Variants in KDM4C observed in about 807,000 individuals in gnomAD.
KDM4C encodes lysine-specific demethylase 4C.
Under a neutral mutation model 129.3 loss-of-function variants are expected in KDM4C, and 81 were observed. The ratio of observed to expected loss-of-function variants is 0.63; its 90% CI spans 0.52 to 0.75. KDM4C has a LOEUF of 0.75. Ranked by LOEUF, KDM4C falls within the 30% of genes least tolerant of loss-of-function variation. The probability of loss-of-function intolerance (pLI) is 0.00; values close to 1 mark genes in which losing one functional copy is unlikely to be tolerated. For synonymous variants in KDM4C, 573 were observed against 456.1 expected, an observed-to-expected ratio of 1.26 and a Z score of -3.26; for missense variants, 1,457 against 1,304.0, an observed-to-expected ratio of 1.12 and a Z score of -1.81.
At chr9:7,009,722 C>G (rs984671647) in intron 12 of KDM4C, among the ~76,000 whole-genome samples, 3 of 152,200 alleles carry the variant, frequency 2.0e-5, no homozygotes, top group African/African-American at 7.2e-5. Context: ...TGCCATGCAA[C>G]AGGGTTGTGT....
chr9:6,847,540 G>A (rs907494784), intron 4 of KDM4C, among the ~76,000 whole-genome samples: 2 of 152,076 alleles, frequency 1.3e-5, no homozygotes, highest in Non-Finnish European at 2.9e-5. Context: ...ACAGACGCCC[G>A]CCACCAGGCC....
At chr9:7,135,437 T>G (rs1841096928) in intron 19 of KDM4C, among the ~76,000 whole-genome samples, 1 of 152,172 alleles carries the variant, frequency 6.6e-6, no homozygotes. Flanking sequence ...AGAATCAAAA[T>G]AACTACCTTG....
chr9:6,782,015 G>T (rs1824453543), intron 1 of KDM4C, among the ~76,000 whole-genome samples: 1 of 151,946 alleles, frequency 6.6e-6, no homozygotes, highest in African/African-American at 2.4e-5. Flanking sequence ...AGTAGAGACA[G>T]GGTTTCACCA....
At chr9:6,730,788 C>CT (rs1371781753) in intron 1 of KDM4C, among the ~76,000 whole-genome samples, 1 of 152,042 alleles carries the variant, frequency 6.6e-6, no homozygotes, top group Admixed American at 6.6e-5. Context: ...AGGTGAGGTC[C>CT]TTAAGTGGAT....
At chr9:6,894,821 A>T (rs1275877529) in intron 8 of KDM4C, among the ~76,000 whole-genome samples, 1 of 152,222 alleles carries the variant, frequency 6.6e-6, no homozygotes, top group Non-Finnish European at 1.5e-5. Flanking sequence ...GTGGTGGAGG[A>T]GGCTGGATCT....
At chr9:6,733,932 T>C (rs1194689392) in intron 1 of KDM4C, among the ~76,000 whole-genome samples, 1 of 152,172 alleles carries the variant, frequency 6.6e-6, no homozygotes. Context: ...CAACCAGAGG[T>C]CACGCTCACA....
At chr9:7,157,430 C>T (rs1225059185) in intron 19 of KDM4C, among the ~76,000 whole-genome samples, 1 of 152,102 alleles carries the variant, frequency 6.6e-6, no homozygotes, top group Non-Finnish European at 1.5e-5. Context: ...TTGTCTTGTG[C>T]CGCTTTTTAA....
At chr9:6,991,010 C>T (rs1001801144) in intron 12 of KDM4C, among the ~76,000 whole-genome samples, 1 of 152,122 alleles carries the variant, frequency 6.6e-6, no homozygotes. Context: ...CGCTGTGATG[C>T]AGCTGGATGT....
intron 8 of KDM4C, among the ~76,000 whole-genome samples, chr9:6,977,074 C>T (rs1426454996): frequency 6.6e-6 from 1 of 152,092 alleles, no homozygotes; most frequent in African/African-American, 2.4e-5. Flanking sequence ...TCTAGAACTC[C>T]TGGGATCAAG....
chr9:7,170,935 AAAGC>A, intron 21 of KDM4C: 1 of 211,152 alleles, frequency 4.7e-6, no homozygotes, highest in Non-Finnish European at 8.1e-6. Context: ...AAAAAAAAAA[AAAGC>A]AAAAAAAAAC....
intron 19 of KDM4C, among the ~76,000 whole-genome samples, chr9:7,133,734 G>T (rs541472357): frequency 3.0e-4 from 45 of 152,326 alleles, no homozygotes; most frequent in Middle Eastern, 3.4e-3. Flanking sequence ...ACCCGTTTCA[G>T]TGTTGAGCCC....
intron 12 of KDM4C, among the ~76,000 whole-genome samples, chr9:6,998,565 G>A (rs1218875442): frequency 1.3e-5 from 2 of 152,290 alleles, no homozygotes; most frequent in African/African-American, 4.8e-5. Flanking sequence ...GGAGGCCGAG[G>A]CAGGCGGATC....
rs774453235 is a variant in KDM4C, at chr9:6,792,998, G to A, written c.10G>A (p.Ala4Thr). 3.1e-6 allele frequency: 5 copies of A among 1,614,156 alleles called. No individual in the cohort carries two copies. Among genetic ancestry groups the A allele is most frequent in the Non-Finnish European group, 4.2e-6 (5 of 1,180,028 alleles). The change falls in exon 2 of 22, where the codon GCC becomes ACC. Residue 4 changes from alanine (A) to threonine (T), a missense_variant. Transcript: ENST00000381309. The stretch of plus-strand genomic sequence containing the variant: ...CACTGCCCTAACCATCATGGAGGTG[G>A]CCGAGGTGGAAAGTCCTCTGAACCC... MEV[A>T]EVESPLNPSC... is the part of the protein sequence containing the mutation.
upstream of KDM4C, among the ~76,000 whole-genome samples, chr9:6,755,778 T>C (rs1187836581): frequency 2.0e-5 from 3 of 152,210 alleles, no homozygotes; most frequent in Non-Finnish European, 4.4e-5. Context: ...GGAGGTATTT[T>C]GATACATTAG....
intron 1 of KDM4C, among the ~76,000 whole-genome samples, chr9:6,725,719 T>C: frequency 6.7e-6 from 1 of 148,614 alleles, no homozygotes; most frequent in Non-Finnish European, 1.5e-5. Context: ...TTCTTTTTTT[T>C]TTTTTTTTGA....
chr9:6,886,535 A>T (rs1254958411), intron 6 of KDM4C, among the ~76,000 whole-genome samples: 2 of 137,496 alleles, frequency 1.5e-5, no homozygotes, highest in African/African-American at 5.5e-5. Context: ...TCTGTCATCC[A>T]GGCTGGAGTA....
chr9:7,002,436 T>A (rs1329874906), intron 12 of KDM4C, among the ~76,000 whole-genome samples: 1 of 152,190 alleles, frequency 6.6e-6, no homozygotes, highest in Non-Finnish European at 1.5e-5. Context: ...ATACATAATA[T>A]TTTGTGGTGA....
intron 17 of KDM4C, among the ~76,000 whole-genome samples, chr9:7,057,837 G>C (rs2381542): frequency 6.6e-6 from 1 of 152,042 alleles, no homozygotes; most frequent in Non-Finnish European, 1.5e-5. Context: ...GCTGAAAACC[G>C]TAAGATGAAT....
At chr9:6,859,404 G>A (rs1840506953) in intron 5 of KDM4C, among the ~76,000 whole-genome samples, 1 of 148,422 alleles carries the variant, frequency 6.7e-6, no homozygotes, top group African/African-American at 2.5e-5. Context: ...GAACCAGGAA[G>A]GTGGAGGTTA....
Sources: gnomAD v4.1 joint callset for allele counts (sites outside exome capture counted in the v4.1 genomes callset) on GRCh38, gnomAD v4.1.1 for gene constraint, MANE v1.5 for transcripts, NCBI Gene and HGNC (gene_info 2026-07-23, HGNC 2026-07-21) for gene names.